Variants in NOP9 observed in about 807,000 individuals in gnomAD.
NOP9 encodes the protein nucleolar protein 9.
A neutral mutation model predicts 63.0 loss-of-function variants in NOP9; 50 were observed. The observed-to-expected ratio is 0.79, with a 90% CI of 0.63 to 1.00. The LOEUF is 1.00. Ranked by LOEUF, NOP9 falls within the 50% of genes least tolerant of loss-of-function variation. The pLI, the probability that NOP9 is intolerant of heterozygous loss-of-function variation, is 0.00. For synonymous variants in NOP9, 343 were observed against 332.8 expected (o/e 1.03, Z -0.33); for missense variants, 758 against 803.0 (o/e 0.94, Z 0.68).
In NOP9 at chr14:24,306,568, C is replaced by T; in HGVS notation, c.*1473C>T. On this transcript the variant is annotated 3_prime_UTR_variant, in exon 10 of 10. Coordinates refer to ENST00000267425, the MANE Select transcript of NOP9 (RefSeq NM_174913.3). ...AAGAAGGGCAGGTCTTATCCCATGC[C>T]CCTTCCCTCTTTAGCTGCCCAACAT... The T allele has an allele frequency of 1.2e-6, 2 of 1,612,692 alleles. No homozygotes were observed. The highest frequency in any genetic ancestry group is 1.7e-6 in the Non-Finnish European group (2 of 1,178,838).
the NOP9 span, among the ~76,000 whole-genome samples, chr14:24,278,814 AGT>A: frequency 6.6e-6 from 1 of 152,160 alleles, no homozygotes. Flanking sequence ...CCCTGTGAGG[AGT>A]GTGTGGCCCA....
chr14:24,272,689 A>G, the NOP9 span, among the ~76,000 whole-genome samples: 2 of 152,352 alleles, frequency 1.3e-5, no homozygotes, highest in Admixed American at 1.3e-4. Flanking sequence ...TCAGCACATC[A>G]GACCTATTGG....
At chr14:24,290,824 A>G in the NOP9 span, 55 of 1,612,202 alleles carry the variant, frequency 3.4e-5, no homozygotes, top group South Asian at 6.0e-4. Context: ...TCCAAATGAG[A>G]AGACAAGCAG....
At chr14:24,285,066 A>G in the NOP9 span, among the ~76,000 whole-genome samples, 12 of 152,196 alleles carry the variant, frequency 7.9e-5, no homozygotes, top group Non-Finnish European at 1.5e-5. Flanking sequence ...TGTTTAATGT[A>G]GGCCAGTTAG....
chr14:24,307,813 G>C lies in NOP9; in HGVS notation c.*2718G>C. On this transcript the variant is annotated 3_prime_UTR_variant, in exon 10 of 10. Transcript: ENST00000267425. The stretch of plus-strand genomic sequence containing the variant: ...TGGAGGGTAGAGCGGAGGGTTAGCA[G>C]TCACCTGAGTAAGTCACTGGGGTTC... 2 of 1,593,470 alleles carry C rather than the reference G, an allele frequency of 1.3e-6. No homozygotes were observed. Among genetic ancestry groups the C allele is most frequent in the Non-Finnish European group, 1.7e-6 (2 of 1,169,424 alleles).
chr14:24,288,098 C>G, the NOP9 span, among the ~76,000 whole-genome samples: 42 of 152,332 alleles, frequency 2.8e-4, no homozygotes, highest in African/African-American at 9.1e-4. Context: ...GTGAATAGCA[C>G]TATTCCTTCT....
the NOP9 span, among the ~76,000 whole-genome samples, chr14:24,283,237 G>T: frequency 6.6e-6 from 1 of 152,140 alleles, no homozygotes; most frequent in African/African-American, 2.4e-5. Context: ...GCTCAAAATG[G>T]CTTGCCATTG....
chr14:24,306,219 C>T lies in NOP9; in HGVS notation c.*1124C>T. 1 of 1,536,402 alleles carries T rather than the reference C, an allele frequency of 6.5e-7. No individual in the cohort carries two copies. Among genetic ancestry groups the T allele is most frequent in the Admixed American group, 1.7e-5 (1 of 57,654 alleles). ...CTCCATCAGCACTGGGTCAGACCCTCCCTCGCTTGGACTTTCTGTCCACTG... is the reference window on the plus strand; with the variant it reads ...CTCCATCAGCACTGGGTCAGACCCTTCCTCGCTTGGACTTTCTGTCCACTG... On this transcript the variant is annotated 3_prime_UTR_variant, in exon 10 of 10. Transcript: ENST00000267425.
Position 24,302,368 on chromosome 14 carries a change from C to G in NOP9, c.1087C>G (p.Pro363Ala). 2 of 1,614,050 alleles carry G rather than the reference C, an allele frequency of 1.2e-6. No individual in the cohort carries two copies. Among genetic ancestry groups the G allele is most frequent in the East Asian group, 2.2e-5 (1 of 44,880 alleles). Residue 363 changes from proline to alanine, a missense_variant, in exon 5 of 10, where the codon CCC (proline) becomes GCC (alanine). Coordinates refer to ENST00000267425, the MANE Select transcript of NOP9 (RefSeq NM_174913.3). ...GCAGCTGCAGACCCTGGCTGCACAT[C>G]CCATTGCCAACTTCCCTTTGCAGCG... Reference protein sequence around the residue: ...QGQLQTLAAHPIANFPLQRLL... With the variant: ...QGQLQTLAAHAIANFPLQRLL...
At chr14:24,299,098 A>G, upstream of NOP9, 1 of 1,612,772 alleles carries the variant, frequency 6.2e-7, no homozygotes, top group Admixed American at 1.7e-5. Flanking sequence ...CATTCATGGG[A>G]GCTGCCATGA....
upstream of NOP9, chr14:24,299,791 C>A: frequency 2.3e-6 from 2 of 884,096 alleles, no homozygotes; most frequent in Non-Finnish European, 3.3e-6. Context: ...GGGTGACACA[C>A]CCACCCCGCC....
chr14:24,301,700 C>T lies in NOP9; in HGVS notation c.786C>T (p.Ser262=). ...TFLNRLQDLS[S]SFLKDIAVFI... The stretch of plus-strand genomic sequence containing the variant: ...TGAATCGCCTTCAGGACCTGAGCTC[C>T]TCCTTTCTGAAGGACATTGCAGGTA... Residue 262 remains serine, a synonymous_variant, in exon 3 of 10, where the codon TCC becomes TCT. Coordinates refer to ENST00000267425, the MANE Select transcript of NOP9 (RefSeq NM_174913.3). 1 of 1,614,188 alleles carries T rather than the reference C, an allele frequency of 6.2e-7. No homozygotes were observed. Among genetic ancestry groups the T allele is most frequent in the Non-Finnish European group, 8.5e-7 (1 of 1,180,028 alleles).
chr14:24,302,389 C>T lies in NOP9; in HGVS notation c.1108C>T (p.Gln370Ter), dbSNP rs1340804676. The T allele has an allele frequency of 1.9e-6, 3 of 1,613,640 alleles. No individual in the cohort carries two copies. The South Asian group carries it at 3.3e-5, about 18-fold the overall frequency. Residue 370 changes from glutamine (Q) to a stop codon, truncating the protein, a stop_gained, in exon 5 of 10, where the codon CAG becomes TAG. Coordinates refer to ENST00000267425, the MANE Select transcript of NOP9 (RefSeq NM_174913.3). LOFTEE classifies it high-confidence loss of function. ...AAHPIANFPL[Q>*]RLLDAVTTPE... ...ACATCCCATTGCCAACTTCCCTTTG[C>T]AGCGCTTACTGGATGCAGTCACTAC...
chr14:24,295,137 A>G (rs2139096494), upstream of NOP9, among the ~76,000 whole-genome samples: 1 of 152,366 alleles, frequency 6.6e-6, no homozygotes, highest in Non-Finnish European at 1.5e-5. Context: ...AGAGAAATAA[A>G]TGATCATACA....
upstream of NOP9, among the ~76,000 whole-genome samples, chr14:24,295,152 C>A (rs971744854): frequency 6.6e-6 from 1 of 152,082 alleles, no homozygotes; most frequent in African/African-American, 2.4e-5. Flanking sequence ...CATACATCCT[C>A]CCAATAGAAT....
the NOP9 span, among the ~76,000 whole-genome samples, chr14:24,286,571 T>C: frequency 1.3e-5 from 2 of 151,980 alleles, no homozygotes; most frequent in Non-Finnish European, 2.9e-5. Context: ...TTTCTTTTAT[T>C]ATTTTTTATT....
chr14:24,302,907 C>T (rs1027291579), intron 5 of NOP9, among the ~76,000 whole-genome samples, 167 bp from the exon 6 acceptor site: 1 of 152,250 alleles, frequency 6.6e-6, no homozygotes, highest in Non-Finnish European at 1.5e-5. Context: ...ACCTCTAAGA[C>T]TGCCCCCTTA....
At chr14:24,304,878 C>A in intron 9 of NOP9, 60 bp from the exon 10 acceptor site, 1 of 1,472,234 alleles carries the variant, frequency 6.8e-7, no homozygotes, top group South Asian at 1.4e-5. Flanking sequence ...GGGATCTTTA[C>A]GTCAAGTAGA....
chr14:24,282,364 A>C, the NOP9 span, among the ~76,000 whole-genome samples: 1 of 152,206 alleles, frequency 6.6e-6, no homozygotes, highest in Non-Finnish European at 1.5e-5. Flanking sequence ...CCTCAGCTGT[A>C]AAAGAGTACT....
Sources: gnomAD v4.1 joint callset for allele counts (sites outside exome capture counted in the v4.1 genomes callset) on GRCh38, gnomAD v4.1.1 for gene constraint, MANE v1.5 for transcripts, NCBI Gene and HGNC (gene_info 2026-07-23, HGNC 2026-07-21) for gene names.